ARHGAP42: variants seen among roughly 807,000 people sequenced by gnomAD.
The protein encoded by ARHGAP42 is rho GTPase-activating protein 42.
A neutral mutation model predicts 125.0 loss-of-function variants in ARHGAP42; 63 were observed. The observed-to-expected ratio is 0.50, with a 90% confidence interval of 0.41 to 0.62. ARHGAP42 has a LOEUF of 0.62. ARHGAP42 is among the 20% of genes least tolerant of loss of function. ARHGAP42 has a pLI of 0.00. For synonymous variants in ARHGAP42, 339 were observed against 351.0 expected, an observed-to-expected ratio of 0.97 and a Z score of 0.38; for missense variants, 766 against 1,024.2, an observed-to-expected ratio of 0.75 and a Z score of 3.44.
intron 3 of ARHGAP42, among the ~76,000 whole-genome samples, chr11:100,834,325 A>C (rs994344994): frequency 2.6e-5 from 4 of 152,160 alleles, no homozygotes; most frequent in Non-Finnish European, 1.5e-5. Context: ...TTTATGGGTC[A>C]TTTCTGATTA....
intron 3 of ARHGAP42, among the ~76,000 whole-genome samples, chr11:100,836,742 T>G (rs868119285): frequency 1.2e-4 from 18 of 149,730 alleles, no homozygotes; most frequent in Admixed American, 8.7e-4. Flanking sequence ...TTTTTTTTTT[T>G]TTGGTTAACT....
chr11:100,783,459 A>G (rs994710460), intron 2 of ARHGAP42, among the ~76,000 whole-genome samples: 1 of 152,184 alleles, frequency 6.6e-6, no homozygotes, highest in Non-Finnish European at 1.5e-5. Flanking sequence ...ACAAAAAATC[A>G]ACAGTAGACT....
intron 3 of ARHGAP42, among the ~76,000 whole-genome samples, chr11:100,810,501 C>T (rs1864110282): frequency 6.6e-6 from 1 of 152,162 alleles, no homozygotes; most frequent in Admixed American, 6.5e-5. Context: ...GTATCTTTCA[C>T]ATATTTTCAA....
chr11:100,976,722 G>GA lies in ARHGAP42; in HGVS notation c.2237-88dup, dbSNP rs1858400478. The stretch of plus-strand genomic sequence containing the variant: ...CTGTACCTTCCCATTTGGGCTCAGA[G>GA]AAAAATGCTTCCTTTTGTTATGCAC... On this transcript the variant is annotated intron_variant, in intron 20 of 23. Coordinates refer to ENST00000298815, the MANE Select transcript of ARHGAP42 (RefSeq NM_152432.4). 1.1e-5 allele frequency: 16 copies of GA among 1,458,320 alleles called. No individual in the cohort carries two copies. In the South Asian group the frequency reaches 2.2e-4, roughly 20 times the overall value. 90.3% of individuals were successfully genotyped at this position (1,458,320 alleles called of 1,614,324 possible).
chr11:100,922,764 G>A (rs1207739831), intron 6 of ARHGAP42, among the ~76,000 whole-genome samples: 2 of 152,254 alleles, frequency 1.3e-5, no homozygotes, highest in South Asian at 2.1e-4. Context: ...CAGAGCAGAG[G>A]TTGGGGACTG....
In ARHGAP42 at chr11:100,987,704, T is replaced by A. The variant is rs114855249; in HGVS notation, c.2536+112T>A. On this transcript the variant is annotated intron_variant, in intron 23 of 23. Coordinates refer to ENST00000298815, the MANE Select transcript of ARHGAP42 (RefSeq NM_152432.4). The stretch of plus-strand genomic sequence containing the variant: ...CAGAAGCCTCAGATTTTATCCCATG[T>A]CCTGCCTCTCATAACGGGCATGCAT... 7 of 962,028 alleles carry A rather than the reference T, an allele frequency of 7.3e-6. No homozygotes were observed. In the African/African-American group the frequency reaches 1.1e-4, roughly 16 times the overall value. 59.6% of individuals were successfully genotyped at this position (962,028 alleles called of 1,614,324 possible).
At chr11:100,865,225 A>G (rs1865540719) in intron 4 of ARHGAP42, among the ~76,000 whole-genome samples, 1 of 152,164 alleles carries the variant, frequency 6.6e-6, no homozygotes, top group Non-Finnish European at 1.5e-5. Context: ...TTATTTTTAA[A>G]CATTCCTTAT....
chr11:100,991,839 GCTGA>G lies in ARHGAP42; in HGVS notation c.*3041_*3044del, dbSNP rs1278043040. The G allele has an allele frequency of 6.5e-6, 1 of 153,584 alleles. No homozygotes were observed. Among genetic ancestry groups the G allele is most frequent in the African/African-American group, 2.4e-5 (1 of 41,426 alleles). 9.5% of individuals were successfully genotyped at this position (153,584 alleles called of 1,614,324 possible). A position where few individuals can be genotyped will look rare whatever the true frequency, so the allele number is the denominator to read the frequency against. ...CAGGTTTCTCAACAATGATTTGTCT[GCTGA>G]CTCTTTTCAGAGATAGTGAAGGAAA... On this transcript the variant is annotated 3_prime_UTR_variant, in exon 24 of 24. Transcript: ENST00000298815.
chr11:100,865,264 CA>C (rs545373652), intron 4 of ARHGAP42, among the ~76,000 whole-genome samples: 2 of 151,878 alleles, frequency 1.3e-5, no homozygotes, highest in South Asian at 2.1e-4. Flanking sequence ...ATGTAATATC[CA>C]AAAAAATCTA....
rs1862847485 is a variant in ARHGAP42 at position 100,767,107 on chromosome 11, GC to G, written c.155-3235del. Among the ~76,000 whole-genome samples the G allele has an allele frequency of 2.0e-5, 3 of 152,172 alleles. No individual in the cohort carries two copies. The South Asian group carries it at 6.2e-4, about 32-fold the overall frequency. On this transcript the variant is annotated intron_variant, in intron 1 of 23. Transcript: ENST00000298815. ...CTGAGCACTTTCCAAGGTTATGTAA[GC>G]TCCAAGAGTTGCCATCTTCATAACT...
At chr11:100,970,323 G>A (rs1858205918) in intron 17 of ARHGAP42, among the ~76,000 whole-genome samples, 1 of 152,044 alleles carries the variant, frequency 6.6e-6, no homozygotes, top group Non-Finnish European at 1.5e-5. Flanking sequence ...TTTTAATGAA[G>A]TCTATTTCCC....
At position 100,743,891 on chromosome 11, in the gene ARHGAP42, G is replaced by C. The variant is rs146935138; in HGVS notation, c.155-26452G>C. On this transcript the variant is annotated intron_variant, in intron 1 of 23. Coordinates refer to ENST00000298815, the MANE Select transcript of ARHGAP42 (RefSeq NM_152432.4). Reference sequence around the variant, plus strand: ...TTGTTAAAACTTCTTATTGCATTTTGTAATTTCCCAAATGTGTCTTTCATT... The same window carrying C: ...TTGTTAAAACTTCTTATTGCATTTTCTAATTTCCCAAATGTGTCTTTCATT... Among the ~76,000 whole-genome samples the C allele has an allele frequency of 2.1e-3, 321 of 152,222 alleles. 1 individual carries two copies. Among genetic ancestry groups the C allele is most frequent in the Admixed American group, 4.6e-3 (70 of 15,284 alleles).
intron 3 of ARHGAP42, among the ~76,000 whole-genome samples, chr11:100,818,285 GTGCCA>G (rs1483653849): frequency 1.3e-5 from 2 of 152,114 alleles, no homozygotes; most frequent in Non-Finnish European, 2.9e-5. Flanking sequence ...GGTAGCCTCT[GTGCCA>G]TGATAGATAC....
At chr11:100,870,842 G>C (rs1865678200) in intron 4 of ARHGAP42, among the ~76,000 whole-genome samples, 1 of 151,934 alleles carries the variant, frequency 6.6e-6, no homozygotes, top group Non-Finnish European at 1.5e-5. Flanking sequence ...AACTGTCAGT[G>C]AGTTAAGCCA....
At chr11:100,782,143 G>A (rs1863330434) in intron 2 of ARHGAP42, among the ~76,000 whole-genome samples, 1 of 152,124 alleles carries the variant, frequency 6.6e-6, no homozygotes, top group Non-Finnish European at 1.5e-5. Flanking sequence ...GAGAACCAGA[G>A]AATATTATAG....
intron 8 of ARHGAP42, among the ~76,000 whole-genome samples, chr11:100,939,269 G>T (rs997315476): frequency 2.0e-5 from 3 of 152,068 alleles, no homozygotes; most frequent in Admixed American, 1.3e-4. Flanking sequence ...TTATAAAAGA[G>T]AGGGATTTAA....
chr11:100,953,566 T>A (rs1017162234), intron 12 of ARHGAP42, among the ~76,000 whole-genome samples: 3 of 152,138 alleles, frequency 2.0e-5, no homozygotes, highest in Non-Finnish European at 4.4e-5. Context: ...GAATGAAGAA[T>A]AAAACTATGC....
At chr11:100,970,631 CTCT>C (rs2135312935) in intron 17 of ARHGAP42, among the ~76,000 whole-genome samples, 2 of 151,996 alleles carry the variant, frequency 1.3e-5, no homozygotes, top group South Asian at 4.2e-4. Flanking sequence ...GCTAAAAAGG[CTCT>C]TTCTGTCTCT....
At chr11:100,792,822 G>T (rs182770700) in intron 2 of ARHGAP42, among the ~76,000 whole-genome samples, 24 of 150,322 alleles carry the variant, frequency 1.6e-4, no homozygotes, top group African/African-American at 5.2e-4. Context: ...GCACGATCTC[G>T]GCTTACTGCA....
Sources: allele counts gnomAD v4.1 joint callset (sites outside exome capture counted in the v4.1 genomes callset), GRCh38; gene constraint gnomAD v4.1.1; transcripts MANE v1.5; gene names NCBI Gene and HGNC (gene_info 2026-07-23, HGNC 2026-07-21).